The following EPB41 variants were observed in gnomAD, a reference collection of about 807,000 sequenced individuals.
The protein encoded by EPB41 is protein 4.1.
Under a neutral mutation model 108.0 loss-of-function variants are expected in EPB41, and 65 were observed. The observed-to-expected ratio is 0.60, with a 90% CI of 0.49 to 0.74. The LOEUF (loss-of-function observed/expected upper bound fraction) is 0.74, where lower values mean the gene tolerates loss of function less well. Ranked by LOEUF, EPB41 falls within the 30% of genes least tolerant of loss-of-function variation. The probability of loss-of-function intolerance (pLI) is 0.00; values close to 1 mark genes in which losing one functional copy is unlikely to be tolerated. For missense variants in EPB41, 875 were observed against 1,037.0 expected (o/e 0.84, Z 2.15); for synonymous variants, 336 against 358.9 (o/e 0.94, Z 0.72).
At chr1:28,959,899 A>C (rs985332859) in intron 1 of EPB41, among the ~76,000 whole-genome samples, 3 of 150,514 alleles carry the variant, frequency 2.0e-5, no homozygotes, top group Non-Finnish European at 3.0e-5. Context: ...CTGGTTTTTG[A>C]ACTCTTGGCC....
At chr1:28,925,708 T>C (rs2093408963) in intron 1 of EPB41, among the ~76,000 whole-genome samples, 1 of 152,054 alleles carries the variant, frequency 6.6e-6, no homozygotes, top group Non-Finnish European at 1.5e-5. Context: ...ATCCAGCATG[T>C]TGGGTCAAAA....
At chr1:29,064,818 G>A (rs1647071835) in intron 15 of EPB41, 164 bp from the exon 16 acceptor site, 1 of 864,256 alleles carries the variant, frequency 1.2e-6, no homozygotes. Context: ...AAAAAGGCAA[G>A]CAAATATACC....
Position 29,058,812 on chromosome 1 carries a change from A to G in EPB41, c.1904A>G (p.Lys635Arg), listed in dbSNP as rs1316526192. The G allele has an allele frequency of 1.3e-6, 2 of 1,547,968 alleles. No individual in the cohort carries two copies. Among genetic ancestry groups the G allele is most frequent in the East Asian group, 2.4e-5 (1 of 40,900 alleles). Residue 635 changes from lysine (K) to arginine (R), a missense_variant and splice_region_variant, in exon 14 of 21, where the codon AAG becomes AGG. By Grantham distance (26) the Lys-to-Arg change is conservative (BLOSUM62 2). Coordinates refer to ENST00000343067, the MANE Select transcript of EPB41 (RefSeq NM_001376013.1). ...VPTSNGDQTQKLAEKTEDLIR... is the reference protein window; with the variant it reads ...VPTSNGDQTQRLAEKTEDLIR... ...CTTTTTTAAATTATGGCAAAACAGA[A>G]GCTTGCAGAAAAAACTGAAGATCTG...
intron 1 of EPB41, among the ~76,000 whole-genome samples, chr1:28,973,360 C>G (rs2095534472): frequency 6.6e-6 from 1 of 151,960 alleles, no homozygotes; most frequent in African/African-American, 2.4e-5. Context: ...AAAAAATAAT[C>G]CATTGTATAA....
intron 1 of EPB41, among the ~76,000 whole-genome samples, chr1:28,905,157 C>T (rs2091688142): frequency 6.6e-6 from 1 of 151,898 alleles, no homozygotes; most frequent in African/African-American, 2.4e-5. Context: ...CGAGATTGCG[C>T]CACTGCACTC....
chr1:28,957,553 T>C (rs1310589932), intron 1 of EPB41, among the ~76,000 whole-genome samples: 2 of 152,162 alleles, frequency 1.3e-5, no homozygotes, highest in East Asian at 3.8e-4. Flanking sequence ...TACAGTTGCA[T>C]GCCACCACAC....
At chr1:29,080,649 A>G (rs1262533481) in intron 16 of EPB41, among the ~76,000 whole-genome samples, 2 of 152,080 alleles carry the variant, frequency 1.3e-5, no homozygotes, top group Non-Finnish European at 2.9e-5. Context: ...CCAGCCTCCC[A>G]AAGTGCTGGG....
intron 7 of EPB41, among the ~76,000 whole-genome samples, chr1:29,030,016 A>AT (rs2096768753): frequency 6.6e-6 from 1 of 152,166 alleles, no homozygotes; most frequent in South Asian, 2.1e-4. Context: ...TGAGGATTTA[A>AT]TTTGGTCATC....
In EPB41 at chr1:28,949,665, G is replaced by GCAATCTCGGATCACCA. The variant is rs560447601; in HGVS notation, c.-8+34905_-8+34920dup. Among the ~76,000 whole-genome samples the GCAATCTCGGATCACCA allele has an allele frequency of 3.7e-3, 555 of 151,744 alleles. 6 individuals carry two copies. The highest frequency in any genetic ancestry group is 0.013 in the African/African-American group (518 of 41,384). ...GTCACCCAGGCTAGAGTGCAGTGGT[G>GCAATCTCGGATCACCA]CAATCTCGGATCACCACAATCTCCA... On this transcript the variant is annotated intron_variant, in intron 1 of 20. Coordinates refer to ENST00000343067, the MANE Select transcript of EPB41 (RefSeq NM_001376013.1).
chr1:29,112,339 C>G (rs772109900), intron 18 of EPB41, 29 bp from the exon 19 acceptor site: 1 of 1,554,232 alleles, frequency 6.4e-7, no homozygotes, highest in South Asian at 1.1e-5. Flanking sequence ...TATCGCTGAT[C>G]TCATATGACA....
chr1:28,932,138 T>A (rs1203334529), intron 1 of EPB41, among the ~76,000 whole-genome samples: 1 of 152,192 alleles, frequency 6.6e-6, no homozygotes, highest in Non-Finnish European at 1.5e-5. Context: ...TTTTGTTTTT[T>A]TTGAAATGGA....
chr1:29,075,941 G>C (rs1260532798), intron 16 of EPB41, among the ~76,000 whole-genome samples: 1 of 152,170 alleles, frequency 6.6e-6, no homozygotes, highest in Non-Finnish European at 1.5e-5. Context: ...CAGTGTTGCA[G>C]TCTTTGTTTC....
At position 29,118,730 on chromosome 1, in the gene EPB41, G is replaced by T. The variant is rs987062136; in HGVS notation, c.*1918G>T. On this transcript the variant is annotated 3_prime_UTR_variant, in exon 21 of 21. Transcript: ENST00000343067. ...AGAGCCCAGGTGGGACGTGGGACAG[G>T]CTTAGGGGAAAGAGCTTGTCCTATC... The T allele has an allele frequency of 5.3e-5, 8 of 152,104 alleles. No individual in the cohort carries two copies. The highest frequency in any genetic ancestry group is 4.4e-5 in the Non-Finnish European group (3 of 68,080). The allele number at this position is 152,104 out of a possible 1,614,324, so 9.4% of individuals were successfully genotyped here. A position where few individuals can be genotyped will look rare whatever the true frequency, so the allele number is the denominator to read the frequency against.
Position 28,917,836 on chromosome 1 carries a change from C to T in EPB41, c.-8+3068C>T, listed in dbSNP as rs192807482. ...TCTCAAACTCCTGAGCTCAAATGATCGTCTCACCTCTGCTTCCAAAAGTGC... is the reference window on the plus strand; with the variant it reads ...TCTCAAACTCCTGAGCTCAAATGATTGTCTCACCTCTGCTTCCAAAAGTGC... On this transcript the variant is annotated intron_variant, in intron 1 of 20. Coordinates refer to ENST00000343067, the MANE Select transcript of EPB41 (RefSeq NM_001376013.1). 7.2e-5 allele frequency among the ~76,000 whole-genome samples: 11 copies of T among 151,964 alleles called. No individual in the cohort carries two copies. In the East Asian group the frequency reaches 1.9e-3, roughly 27 times the overall value.
chr1:28,920,702 C>T (rs539098605), intron 1 of EPB41, among the ~76,000 whole-genome samples: 11 of 151,998 alleles, frequency 7.2e-5, no homozygotes, highest in Non-Finnish European at 1.5e-4. Context: ...TGCAGTGGTG[C>T]GATCATGGCT....
chr1:28,962,209 C>T (rs1324178641), intron 1 of EPB41, among the ~76,000 whole-genome samples: 1 of 151,804 alleles, frequency 6.6e-6, no homozygotes, highest in African/African-American at 2.4e-5. Flanking sequence ...TACAGGGGCC[C>T]GCCATCATGC....
chr1:28,985,229 G>A (rs891458720), intron 1 of EPB41, among the ~76,000 whole-genome samples: 5 of 152,068 alleles, frequency 3.3e-5, no homozygotes, highest in Admixed American at 1.3e-4. Flanking sequence ...CTCCCAAAGT[G>A]CTGGGATTAC....
intron 4 of EPB41, among the ~76,000 whole-genome samples, chr1:29,009,143 CTTT>C (rs11330641): frequency 5.0e-5 from 7 of 140,568 alleles, no homozygotes; most frequent in Non-Finnish European, 9.4e-5. Flanking sequence ...TTTAATCCTT[CTTT>C]TTTTTTTTTT....
chr1:29,023,056 G>A (rs867855940), intron 7 of EPB41, among the ~76,000 whole-genome samples: 1 of 151,884 alleles, frequency 6.6e-6, no homozygotes, highest in South Asian at 2.1e-4. Flanking sequence ...GTGCAATAGT[G>A]TGATCTCGGC....
Sources: gnomAD v4.1 joint callset for allele counts (sites outside exome capture counted in the v4.1 genomes callset) on GRCh38, gnomAD v4.1.1 for gene constraint, MANE v1.5 for transcripts, NCBI Gene and HGNC (gene_info 2026-07-23, HGNC 2026-07-21) for gene names.